The following TMEM140 variants were observed in gnomAD, a reference collection of about 807,000 sequenced individuals.
The protein encoded by TMEM140 is transmembrane protein 140.
For synonymous variants in TMEM140, 107 were observed against 106.8 expected (o/e 1.00, Z -0.01); for missense variants, 236 against 228.5 (o/e 1.03, Z -0.21).
intron 1 of TMEM140, among the ~76,000 whole-genome samples, chr7:135,149,304 ACTT>A (rs1829615428): frequency 6.6e-6 from 1 of 152,298 alleles, no homozygotes; most frequent in South Asian, 2.1e-4. Context: ...ATTTTCAAAT[ACTT>A]CTTTAGTCTC....
rs925526238 is a variant in TMEM140, at chr7:135,165,410, C to G, written c.*411C>G. ...CTAGCAAAGAACTTACGGCAACAAA[C>G]GAGGACATTAAAAGAGCGAGCACCT... is the stretch of plus-strand genomic sequence containing the variant. On this transcript the variant is annotated 3_prime_UTR_variant, in exon 2 of 2. Coordinates refer to ENST00000275767, the MANE Select transcript of TMEM140 (RefSeq NM_018295.5). The G allele has an allele frequency of 5.5e-6, 1 of 182,766 alleles. No homozygotes were observed. The highest frequency in any genetic ancestry group is 5.6e-5 in the Admixed American group (1 of 17,776). 11.3% of individuals were successfully genotyped at this position (182,766 alleles called of 1,614,324 possible). A position where few individuals can be genotyped will look rare whatever the true frequency, so the allele number is the denominator to read the frequency against.
At chr7:135,164,353 G>T in intron 1 of TMEM140, 65 bp from the exon 2 acceptor site, 1 of 1,304,138 alleles carries the variant, frequency 7.7e-7, no homozygotes, top group Non-Finnish European at 1.1e-6. Flanking sequence ...GGGAGAACAT[G>T]AGCTTGTCTG....
intron 1 of TMEM140, among the ~76,000 whole-genome samples, chr7:135,164,206 C>T (rs1195934541): frequency 6.6e-6 from 1 of 152,224 alleles, no homozygotes; most frequent in Non-Finnish European, 1.5e-5. Context: ...GAGACTTTTC[C>T]TCCTGACCTC....
intron 1 of TMEM140, among the ~76,000 whole-genome samples, chr7:135,149,104 T>C (rs1462210683): frequency 6.6e-6 from 1 of 152,222 alleles, no homozygotes; most frequent in Non-Finnish European, 1.5e-5. Context: ...CTTGCACATA[T>C]TCCCCTTTCT....
chr7:135,160,689 C>T (rs957130145), intron 1 of TMEM140, among the ~76,000 whole-genome samples: 6 of 149,926 alleles, frequency 4.0e-5, no homozygotes, highest in African/African-American at 1.5e-4. Context: ...AGGATTCGTA[C>T]ATGAAAGAAC....
chr7:135,156,636 A>G (rs1329589681), intron 1 of TMEM140, among the ~76,000 whole-genome samples: 2 of 152,084 alleles, frequency 1.3e-5, no homozygotes, highest in African/African-American at 2.4e-5. Context: ...TCTTTGTATT[A>G]GTTTTCAGAT....
intron 1 of TMEM140, among the ~76,000 whole-genome samples, chr7:135,155,521 T>G (rs1829770828): frequency 6.6e-6 from 1 of 152,218 alleles, no homozygotes; most frequent in Non-Finnish European, 1.5e-5. Context: ...TCTGTATGTT[T>G]TTGTGATGGT....
At position 135,165,236 on chromosome 7, in the gene TMEM140, C is replaced by G. The variant is rs1341101517; in HGVS notation, c.*237C>G. Reference sequence around the variant, plus strand: ...GACTTCCAAGGCTCCCAAAGACTCCCTAAACCATGCAGCTCATTGTCACAC... The same window carrying G: ...GACTTCCAAGGCTCCCAAAGACTCCGTAAACCATGCAGCTCATTGTCACAC... On this transcript the variant is annotated 3_prime_UTR_variant, in exon 2 of 2. Transcript: ENST00000275767. 2.1e-6 allele frequency: 1 copy of G among 485,420 alleles called. No individual in the cohort carries two copies. The highest frequency in any genetic ancestry group is 1.9e-5 in the African/African-American group (1 of 51,706). The allele number at this position is 485,420 out of a possible 1,614,324, so 30.1% of individuals were successfully genotyped here.
At chr7:135,163,574 G>A (rs916713438) in intron 1 of TMEM140, among the ~76,000 whole-genome samples, 4 of 152,190 alleles carry the variant, frequency 2.6e-5, no homozygotes, top group Non-Finnish European at 5.9e-5. Context: ...GACCCCGGGA[G>A]GCAGAGATTG....
Position 135,164,819 on chromosome 7 carries a change from G to C in TMEM140, c.378G>C (p.Leu126=), listed in dbSNP as rs771374160. ...AVGFLAVSSV[L]LAGGLGLFLS... is the part of the protein sequence containing the mutation. ...GCTTCCTGGCTGTGTCCTCTGTGCTGCTGGCAGGCGGCCTGGGCCTCTTCC... is the reference window on the plus strand; with the variant it reads ...GCTTCCTGGCTGTGTCCTCTGTGCTCCTGGCAGGCGGCCTGGGCCTCTTCC... The change falls in exon 2 of 2, where the codon CTG becomes CTC. Residue 126 remains leucine, a synonymous_variant. Transcript: ENST00000275767. 6.2e-7 allele frequency: 1 copy of C among 1,614,116 alleles called. No individual in the cohort carries two copies. Among genetic ancestry groups the C allele is most frequent in the Admixed American group, 1.7e-5 (1 of 60,030 alleles).
rs1830079974 is a variant in TMEM140, at chr7:135,165,585, C to T, written c.*586C>T. On this transcript the variant is annotated 3_prime_UTR_variant, in exon 2 of 2. Transcript: ENST00000275767. ...AGACAGGACACATGGGGTACAAAGA[C>T]AAGGCTTGACTGCTTCAAAGCTTCC... The T allele has an allele frequency of 6.0e-6, 1 of 167,524 alleles. No homozygotes were observed. The highest frequency in any genetic ancestry group is 2.4e-5 in the African/African-American group (1 of 41,436). The allele number at this position is 167,524 out of a possible 1,614,324, so 10.4% of individuals were successfully genotyped here.
chr7:135,162,696 C>T (rs1038290072), intron 1 of TMEM140, among the ~76,000 whole-genome samples: 1 of 152,214 alleles, frequency 6.6e-6, no homozygotes, highest in Non-Finnish European at 1.5e-5. Flanking sequence ...CACTGGGTCC[C>T]TCCCACAATG....
At chr7:135,160,752 A>C (rs910552143) in intron 1 of TMEM140, among the ~76,000 whole-genome samples, 19 of 152,124 alleles carry the variant, frequency 1.2e-4, no homozygotes, top group Non-Finnish European at 1.8e-4. Context: ...AAAAAACAAA[A>C]AAAAGAGCCC....
Position 135,164,976 on chromosome 7 carries a change from GA to G in TMEM140, c.536del (p.Glu179GlyfsTer68). ...AVFPLRAERA[E>X]SKLESC is the part of the protein sequence containing the mutation. The stretch of plus-strand genomic sequence containing the variant: ...GTTCCCTCTGAGGGCTGAGAGGGCT[GA>G]GAGCAAGCTTGAGAGCTGCTAAAGG... On this transcript the variant is annotated frameshift_variant, in exon 2 of 2. Coordinates refer to ENST00000275767, the MANE Select transcript of TMEM140 (RefSeq NM_018295.5). LOFTEE classifies it high-confidence loss of function. 6.2e-7 allele frequency: 1 copy of G among 1,602,342 alleles called. No homozygotes were observed. The highest frequency in any genetic ancestry group is 8.5e-7 in the Non-Finnish European group (1 of 1,172,138).
chr7:135,149,969 A>G (rs1162659882), intron 1 of TMEM140, among the ~76,000 whole-genome samples: 1 of 152,188 alleles, frequency 6.6e-6, no homozygotes, highest in East Asian at 1.9e-4. Flanking sequence ...TGGTGAATAG[A>G]AATCTTTATT....
chr7:135,164,213 C>T (rs996973885), intron 1 of TMEM140, among the ~76,000 whole-genome samples: 9 of 152,242 alleles, frequency 5.9e-5, no homozygotes, highest in African/African-American at 2.2e-4. Flanking sequence ...TTCCTCCTGA[C>T]CTCAAATCAG....
intron 1 of TMEM140, among the ~76,000 whole-genome samples, chr7:135,152,446 G>C (rs911739120): frequency 6.6e-6 from 1 of 152,264 alleles, no homozygotes; most frequent in Non-Finnish European, 1.5e-5. Context: ...CTGGCTGTGT[G>C]AACTTGGGCA....
intron 1 of TMEM140, among the ~76,000 whole-genome samples, chr7:135,160,660 T>G (rs959172527): frequency 6.6e-6 from 1 of 152,042 alleles, no homozygotes; most frequent in African/African-American, 2.4e-5. Context: ...GCAGCTCTGC[T>G]GTCCTAAGAT....
chr7:135,160,624 C>T (rs188131570), intron 1 of TMEM140, among the ~76,000 whole-genome samples: 97 of 152,044 alleles, frequency 6.4e-4, no homozygotes, highest in African/African-American at 8.7e-4. Flanking sequence ...AGCATGCATA[C>T]GACATTAAAC....
Sources: gnomAD v4.1 joint callset for allele counts (sites outside exome capture counted in the v4.1 genomes callset) on GRCh38, gnomAD v4.1.1 for gene constraint, MANE v1.5 for transcripts, NCBI Gene and HGNC (gene_info 2026-07-23, HGNC 2026-07-21) for gene names.